The following CSMD1 variants were observed in gnomAD, a reference collection of about 807,000 sequenced individuals.
The protein encoded by CSMD1 is CUB and Sushi multiple domains 1, also known as CUB and sushi domain-containing protein 1.
In CSMD1, 213 loss-of-function variants were observed where a neutral mutation model predicts 417.5. The observed-to-expected ratio is 0.51, with a 90% CI of 0.46 to 0.57. The LOEUF (loss-of-function observed/expected upper bound fraction) is 0.57. Among genes scored for constraint, CSMD1 ranks in the 20% least tolerant of loss-of-function variants. The pLI is 0.00. For synonymous variants in CSMD1, 2,862 were observed against 1,736.8 expected (o/e 1.65, Z -16.11); for missense variants, 6,923 against 4,529.7 (o/e 1.53, Z -15.17).
At chr8:4,113,095 A>T (rs995143068) in intron 3 of CSMD1, among the ~76,000 whole-genome samples, 1 of 152,154 alleles carries the variant, frequency 6.6e-6, no homozygotes, top group Non-Finnish European at 1.5e-5. Flanking sequence ...AACTTAAATG[A>T]TTAATGTGGT....
chr8:4,884,630 T>C (rs1221932802), intron 1 of CSMD1, among the ~76,000 whole-genome samples: 1 of 152,120 alleles, frequency 6.6e-6, no homozygotes, highest in African/African-American at 2.4e-5. Flanking sequence ...GAAAAGTCTA[T>C]TACTTTATTT....
intron 3 of CSMD1, among the ~76,000 whole-genome samples, chr8:4,398,423 C>T (rs1166823001): frequency 8.7e-6 from 1 of 115,536 alleles, no homozygotes; most frequent in Non-Finnish European, 1.7e-5. Flanking sequence ...GATAGAGTCT[C>T]ACTCTGTCAC....
intron 1 of CSMD1, among the ~76,000 whole-genome samples, chr8:4,708,671 T>C (rs1344645509): frequency 6.6e-6 from 1 of 150,738 alleles, no homozygotes; most frequent in Non-Finnish European, 1.5e-5. Flanking sequence ...CCTAACCAGA[T>C]TCATTTTTTT....
intron 24 of CSMD1, 144 bp from the exon 25 acceptor site, chr8:3,307,965 T>G (rs916108255): frequency 1.1e-6 from 1 of 931,220 alleles, no homozygotes; most frequent in Admixed American, 3.0e-5. Context: ...CCTGACCGTT[T>G]CAATATTTCT....
chr8:3,203,494 G>A lies in CSMD1; in HGVS notation c.4985-1769C>T, dbSNP rs372556211. ...TCATGGTGAGGGGATGGCACTATCAGCAAGAAGGATTAGTGGAAGAATGGA... is the reference window on the plus strand; with the variant it reads ...TCATGGTGAGGGGATGGCACTATCAACAAGAAGGATTAGTGGAAGAATGGA... On this transcript the variant is annotated intron_variant, in intron 31 of 69. Coordinates refer to ENST00000635120, the MANE Select transcript of CSMD1 (RefSeq NM_033225.6). Among the ~76,000 whole-genome samples the A allele has an allele frequency of 3.4e-4, 52 of 152,292 alleles. 1 individual carries two copies. In the East Asian group the frequency reaches 6.4e-3, roughly 19 times the overall value.
chr8:3,914,786 C>A (rs1808703667), intron 5 of CSMD1, among the ~76,000 whole-genome samples: 3 of 151,884 alleles, frequency 2.0e-5, no homozygotes, highest in African/African-American at 7.3e-5. Context: ...CCGGTTAATT[C>A]CTCAACAAAG....
intron 2 of CSMD1, among the ~76,000 whole-genome samples, chr8:4,544,530 T>C (rs1311546271): frequency 6.6e-6 from 1 of 152,130 alleles, no homozygotes; most frequent in East Asian, 1.9e-4. Flanking sequence ...TGCTGACTTT[T>C]AAAAATTACT....
intron 3 of CSMD1, among the ~76,000 whole-genome samples, chr8:4,344,527 T>A (rs540497430): frequency 8.5e-4 from 129 of 151,112 alleles, no homozygotes; most frequent in Non-Finnish European, 1.3e-3. Context: ...GTCAGAAATA[T>A]ATATAAATAA....
In CSMD1 at chr8:3,986,027, A is replaced by C. The variant is rs534065932; in HGVS notation, c.818+11876T>G. ...ACCCACTCCCCTGCTTCTCTTTGCT[A>C]TCTCAAAGCCCTGTCTTTTCCTCTT... On this transcript the variant is annotated intron_variant, in intron 5 of 69. Coordinates refer to ENST00000635120, the MANE Select transcript of CSMD1 (RefSeq NM_033225.6). Among the ~76,000 whole-genome samples the C allele has an allele frequency of 7.2e-5, 11 of 151,836 alleles. No homozygotes were observed. The East Asian group carries it at 1.6e-3, about 21-fold the overall frequency.
intron 62 of CSMD1, among the ~76,000 whole-genome samples, chr8:2,958,375 T>G (rs1025808966): frequency 6.6e-6 from 1 of 152,230 alleles, no homozygotes; most frequent in African/African-American, 2.4e-5. Context: ...CCGCTGCAGA[T>G]TCTTCTCTGA....
rs145622901 is a variant in CSMD1, at chr8:4,064,707, C to T, written c.416-32608G>A. On this transcript the variant is annotated intron_variant, in intron 3 of 69. Transcript: ENST00000635120. ...TGCTGCTGCCCTGGCGTGTTGGTCA[C>T]CCCCAGTATCCGTACTCAACCTTCA... Among the ~76,000 whole-genome samples, 47 of 152,288 alleles carry T rather than the reference C, an allele frequency of 3.1e-4. No individual in the cohort carries two copies. The East Asian group carries it at 7.7e-3, about 25-fold the overall frequency.
In CSMD1 at chr8:2,957,469, G is replaced by C. The variant is rs558391288; in HGVS notation, c.9814+227C>G. Among the ~76,000 whole-genome samples the C allele has an allele frequency of 7.2e-5, 11 of 152,264 alleles. No individual in the cohort carries two copies. In the South Asian group the frequency reaches 2.1e-3, roughly 29 times the overall value. The stretch of plus-strand genomic sequence containing the variant: ...TCTCTCCTCCCTGGCTCCCTCCAGA[G>C]GCTCTGGTTCAAGGTCAAGGATGGG... On this transcript the variant is annotated intron_variant, in intron 63 of 69. Transcript: ENST00000635120.
chr8:3,932,640 G>A (rs1158013029), intron 5 of CSMD1, among the ~76,000 whole-genome samples: 1 of 150,350 alleles, frequency 6.7e-6, no homozygotes, highest in African/African-American at 2.5e-5. Context: ...TTGACATTTT[G>A]CATGTTATTA....
intron 1 of CSMD1, among the ~76,000 whole-genome samples, chr8:4,650,914 T>A (rs557848884): frequency 2.0e-5 from 3 of 152,316 alleles, no homozygotes; most frequent in Admixed American, 6.5e-5. Flanking sequence ...ATAATACTAT[T>A]CTTATTTGCC....
intron 3 of CSMD1, among the ~76,000 whole-genome samples, chr8:4,408,709 C>A (rs560546531): frequency 6.6e-6 from 1 of 152,138 alleles, no homozygotes; most frequent in East Asian, 1.9e-4. Context: ...AGTTGACCAG[C>A]TCTCAGAATA....
At chr8:2,940,081 T>C (rs1383021987) in intron 69 of CSMD1, among the ~76,000 whole-genome samples, 1 of 151,972 alleles carries the variant, frequency 6.6e-6, no homozygotes, top group African/African-American at 2.4e-5. Flanking sequence ...AGAAACAGGG[T>C]TTTTCTGGAG....
At position 3,804,656 on chromosome 8, in the gene CSMD1, G is replaced by A. The variant is rs139576862; in HGVS notation, c.819-50614C>T. ...TAAAATGCACACATAATTCAAAATA[G>A]AAGTGAAAGAAAAATTAAGAGAAAT... On this transcript the variant is annotated intron_variant, in intron 5 of 69. Coordinates refer to ENST00000635120, the MANE Select transcript of CSMD1 (RefSeq NM_033225.6). Among the ~76,000 whole-genome samples the A allele has an allele frequency of 6.3e-3, 961 of 152,134 alleles. 9 individuals are homozygous for A. The highest frequency in any genetic ancestry group is 0.022 in the African/African-American group (933 of 41,490).
chr8:4,151,918 G>T, intron 3 of CSMD1, among the ~76,000 whole-genome samples: 1 of 152,114 alleles, frequency 6.6e-6, no homozygotes, highest in East Asian at 1.9e-4. Flanking sequence ...TTGTCTATCA[G>T]CAGAGATAAG....
intron 2 of CSMD1, among the ~76,000 whole-genome samples, chr8:4,611,191 G>A (rs1434444247): frequency 1.3e-5 from 2 of 152,122 alleles, no homozygotes; most frequent in Non-Finnish European, 2.9e-5. Context: ...ATCTGGGCGA[G>A]TGTATACACA....
Sources: allele counts gnomAD v4.1 joint callset (sites outside exome capture counted in the v4.1 genomes callset), GRCh38; gene constraint gnomAD v4.1.1; transcripts MANE v1.5; gene names NCBI Gene and HGNC (gene_info 2026-07-23, HGNC 2026-07-21).